Variants in ZCCHC7 observed in about 807,000 individuals in gnomAD.
ZCCHC7 encodes the protein zinc finger CCHC-type containing 7.
In ZCCHC7, 35 loss-of-function variants were observed where a neutral mutation model predicts 52.0. That is an observed-to-expected ratio of 0.67 (90% CI 0.51 to 0.89). ZCCHC7 has a LOEUF of 0.89. ZCCHC7 is among the 40% of genes least tolerant of loss of function. The pLI, the probability that ZCCHC7 is intolerant of heterozygous loss-of-function variation, is 0.00. For missense variants in ZCCHC7, 574 were observed against 649.1 expected (o/e 0.88, Z 1.26); for synonymous variants, 217 against 221.5 (o/e 0.98, Z 0.18).
At chr9:37,305,832 G>GATATAT in intron 5 of ZCCHC7, 118 bp downstream of exon 5, 3 of 735,236 alleles carry the variant, frequency 4.1e-6, no homozygotes, top group Non-Finnish European at 6.3e-6. Context: ...TACTCCGTGA[G>GATATAT]ATATATATAT....
chr9:37,163,051 AT>A lies in ZCCHC7; in HGVS notation c.610+36111del, dbSNP rs1011873006. Among the ~76,000 whole-genome samples the A allele has an allele frequency of 2.9e-4, 44 of 152,220 alleles. 1 individual carries two copies. Among genetic ancestry groups the A allele is most frequent in the African/African-American group, 9.1e-4 (38 of 41,540 alleles). On this transcript the variant is annotated intron_variant, in intron 2 of 8. Coordinates refer to ENST00000336755, the MANE Select transcript of ZCCHC7 (RefSeq NM_032226.3). ...CCTCGTCTCTACTAAAAATACAAAA[AT>A]TAGCCAGGCATGGTAGTGTGCGCCT...
At position 37,199,660 on chromosome 9, in the gene ZCCHC7, C is replaced by CTTTT. The variant is rs1399174693; in HGVS notation, c.610+72719_610+72720insTTTT. ...ACTGTTTCTTTTTCTGTCTGTCTGT[C>CTTTT]TGTCTGTCTTTCTCTCTGTCTGTCT... On this transcript the variant is annotated intron_variant, in intron 2 of 8. Transcript: ENST00000336755. Among the ~76,000 whole-genome samples the CTTTT allele has an allele frequency of 8.8e-3, 1,130 of 128,060 alleles. 15 individuals are homozygous for CTTTT. Among genetic ancestry groups the CTTTT allele is most frequent in the African/African-American group, 0.033 (1,065 of 32,764 alleles). The allele number at this position is 128,060 out of a possible 152,430, so 84.0% of individuals were successfully genotyped here.
intron 2 of ZCCHC7, among the ~76,000 whole-genome samples, chr9:37,255,933 C>G (rs1384364126): frequency 2.6e-5 from 4 of 152,164 alleles, no homozygotes; most frequent in Non-Finnish European, 5.9e-5. Context: ...TAATGATTAT[C>G]ACTATAACAG....
chr9:37,219,927 G>A (rs997298676), intron 2 of ZCCHC7, among the ~76,000 whole-genome samples: 1 of 152,210 alleles, frequency 6.6e-6, no homozygotes, highest in African/African-American at 2.4e-5. Flanking sequence ...CATTCCTTGG[G>A]TGAGGAAGGT....
intron 2 of ZCCHC7, among the ~76,000 whole-genome samples, chr9:37,137,064 G>A (rs1327306284): frequency 2.6e-5 from 4 of 152,170 alleles, no homozygotes; most frequent in African/African-American, 9.7e-5. Flanking sequence ...ATTATTTACT[G>A]GGTGCTGACA....
chr9:37,294,854 T>C (rs1564233871), intron 2 of ZCCHC7, among the ~76,000 whole-genome samples: 4 of 152,194 alleles, frequency 2.6e-5, no homozygotes, highest in Admixed American at 1.3e-4. Flanking sequence ...TTTATTGACA[T>C]AGCCCTTAAT....
chr9:37,244,545 G>A (rs1021581857), intron 2 of ZCCHC7, among the ~76,000 whole-genome samples: 4 of 151,830 alleles, frequency 2.6e-5, no homozygotes. Flanking sequence ...AAACTTCCTG[G>A]AAGTGAGGGA....
intron 2 of ZCCHC7, among the ~76,000 whole-genome samples, chr9:37,127,544 A>G (rs1282241603): frequency 1.3e-5 from 2 of 152,200 alleles, no homozygotes; most frequent in East Asian, 3.8e-4. Context: ...TTTTGGTGTT[A>G]GTTATGTCTC....
intron 6 of ZCCHC7, among the ~76,000 whole-genome samples, chr9:37,341,028 CA>C (rs898217214): frequency 2.0e-5 from 3 of 152,082 alleles, no homozygotes; most frequent in Admixed American, 6.6e-5. Flanking sequence ...ACATTTCTTT[CA>C]GGGGCTAAAT....
chr9:37,191,661 T>G (rs1174948596), intron 2 of ZCCHC7, among the ~76,000 whole-genome samples: 1 of 152,224 alleles, frequency 6.6e-6, no homozygotes, highest in Admixed American at 6.5e-5. Flanking sequence ...TTAATCCGAT[T>G]ATACCTGCAG....
intron 2 of ZCCHC7, among the ~76,000 whole-genome samples, chr9:37,191,769 C>T (rs1385355511): frequency 1.3e-5 from 2 of 152,152 alleles, no homozygotes; most frequent in African/African-American, 2.4e-5. Flanking sequence ...TTCATTTCTG[C>T]CCAAAGGAAG....
intron 2 of ZCCHC7, among the ~76,000 whole-genome samples, chr9:37,160,952 ATT>A (rs879309927): frequency 9.8e-5 from 14 of 143,518 alleles, no homozygotes; most frequent in Non-Finnish European, 1.1e-4. Context: ...GGGCTCAATA[ATT>A]TTTTTTTTTT....
intron 2 of ZCCHC7, among the ~76,000 whole-genome samples, chr9:37,169,899 C>T (rs575931612): frequency 5.1e-4 from 78 of 151,894 alleles, no homozygotes; most frequent in Non-Finnish European, 8.1e-4. Context: ...AACCATGTCT[C>T]TACAAAAAAT....
chr9:37,160,374 G>C (rs891464776), intron 2 of ZCCHC7: 3 of 152,414 alleles, frequency 2.0e-5, no homozygotes, highest in Middle Eastern at 3.4e-3. Flanking sequence ...AATTAGCCAG[G>C]CGTGGTGGGG....
intron 2 of ZCCHC7, among the ~76,000 whole-genome samples, chr9:37,188,415 A>G: frequency 6.6e-6 from 1 of 151,412 alleles, no homozygotes; most frequent in Admixed American, 6.6e-5. Context: ...TCAGCCTCCC[A>G]GAGTGCTGGA....
At chr9:37,143,228 T>A (rs1210852987) in intron 2 of ZCCHC7, among the ~76,000 whole-genome samples, 4 of 151,826 alleles carry the variant, frequency 2.6e-5, no homozygotes, top group Non-Finnish European at 5.9e-5. Flanking sequence ...GGTGGAAGAT[T>A]CTTTTAAAAC....
chr9:37,256,882 A>G (rs967146455), intron 2 of ZCCHC7, among the ~76,000 whole-genome samples: 1 of 152,218 alleles, frequency 6.6e-6, no homozygotes, highest in African/African-American at 2.4e-5. Context: ...TTCTTTTTCA[A>G]CTGCATAACT....
At position 37,270,637 on chromosome 9, in the gene ZCCHC7, G is replaced by A. The variant is rs564877500; in HGVS notation, c.611-31551G>A. Among the ~76,000 whole-genome samples the A allele has an allele frequency of 4.7e-5, 7 of 150,532 alleles. No individual in the cohort carries two copies. The South Asian group carries it at 6.3e-4, about 13-fold the overall frequency. On this transcript the variant is annotated intron_variant, in intron 2 of 8. Coordinates refer to ENST00000336755, the MANE Select transcript of ZCCHC7 (RefSeq NM_032226.3). ...GTGGAGGTTGCAGTGAGCCAAGATCGCGTCACTGCACTCCAGCCTGGGCAA... is the reference window on the plus strand; with the variant it reads ...GTGGAGGTTGCAGTGAGCCAAGATCACGTCACTGCACTCCAGCCTGGGCAA...
At chr9:37,335,742 T>C (rs1830620989) in intron 6 of ZCCHC7, among the ~76,000 whole-genome samples, 1 of 152,208 alleles carries the variant, frequency 6.6e-6, no homozygotes, top group African/African-American at 2.4e-5. Context: ...GGGAATCTTT[T>C]GTTGACAAAA....
Sources: allele counts gnomAD v4.1 joint callset (sites outside exome capture counted in the v4.1 genomes callset), GRCh38; gene constraint gnomAD v4.1.1; transcripts MANE v1.5; gene names NCBI Gene and HGNC (gene_info 2026-07-23, HGNC 2026-07-21).